The following SNX25 variants were observed in gnomAD, a reference collection of about 807,000 sequenced individuals.
SNX25 encodes sorting nexin 25.
In SNX25, 62 loss-of-function variants were observed where a neutral mutation model predicts 113.7. The observed-to-expected ratio is 0.55, with a 90% confidence interval of 0.44 to 0.67. SNX25 has a LOEUF of 0.67. SNX25 is among the 30% of genes least tolerant of loss of function. The probability of loss-of-function intolerance (pLI) is 0.00; values close to 1 mark genes in which losing one functional copy is unlikely to be tolerated. For synonymous variants in SNX25, 421 were observed against 436.2 expected, an observed-to-expected ratio of 0.97 and a Z score of 0.43; for missense variants, 1,014 against 1,161.0, an observed-to-expected ratio of 0.87 and a Z score of 1.84.
At chr4:185,372,155 C>T (rs935635950), downstream of SNX25, among the ~76,000 whole-genome samples, 2 of 152,164 alleles carry the variant, frequency 1.3e-5, no homozygotes, top group Admixed American at 1.3e-4. Context: ...AGTTATAGAA[C>T]TGCATGACCG....
chr4:185,251,027 C>T (rs1745553047), intron 2 of SNX25, among the ~76,000 whole-genome samples: 1 of 151,560 alleles, frequency 6.6e-6, no homozygotes, highest in African/African-American at 2.4e-5. Flanking sequence ...CGGAGTCTTG[C>T]TCCGTCGCCC....
At chr4:185,378,393 C>T in the SNX25 span, 3 of 1,378,460 alleles carry the variant, frequency 2.2e-6, no homozygotes, top group African/African-American at 2.9e-5. Flanking sequence ...TCCTCCCTAG[C>T]TGAGAGACAG....
chr4:185,343,842 C>T (rs573449863), intron 12 of SNX25, among the ~76,000 whole-genome samples: 3 of 152,258 alleles, frequency 2.0e-5, no homozygotes, highest in Admixed American at 2.0e-4. Context: ...ATAATAATAA[C>T]AAGAGTGAGG....
intron 1 of SNX25, among the ~76,000 whole-genome samples, chr4:185,222,070 AGG>A (rs1739984279): frequency 7.2e-5 from 2 of 27,674 alleles, no homozygotes; most frequent in Admixed American, 4.0e-4. Flanking sequence ...CCTTCATGGT[AGG>A]TATATAGCGC....
intron 11 of SNX25, 119 bp downstream of exon 11, chr4:185,339,629 A>G (rs957134758): frequency 6.2e-6 from 8 of 1,287,068 alleles, no homozygotes; most frequent in Non-Finnish European, 8.4e-6. Context: ...TTTAGACCAT[A>G]TTTGTCCTAC....
chr4:185,226,035 A>T (rs112127862), intron 1 of SNX25, among the ~76,000 whole-genome samples: 1 of 152,164 alleles, frequency 6.6e-6, no homozygotes, highest in Non-Finnish European at 1.5e-5. Context: ...ATGAACTTGA[A>T]TGATGTCACA....
chr4:185,208,598 C>T (rs185201916), upstream of SNX25, among the ~76,000 whole-genome samples: 1 of 151,788 alleles, frequency 6.6e-6, no homozygotes, highest in African/African-American at 2.4e-5. Flanking sequence ...TGTGGTGGTG[C>T]GTGCCTGTAA....
intron 15 of SNX25, among the ~76,000 whole-genome samples, chr4:185,356,692 T>G (rs1387837566): frequency 6.6e-6 from 1 of 152,220 alleles, no homozygotes; most frequent in Admixed American, 6.5e-5. Context: ...TACAGAGACT[T>G]CTGTGAATTT....
At chr4:185,341,531 T>C (rs1326182211) in intron 11 of SNX25, among the ~76,000 whole-genome samples, 1 of 152,220 alleles carries the variant, frequency 6.6e-6, no homozygotes, top group Non-Finnish European at 1.5e-5. Context: ...ACAGGATGCA[T>C]TGGCTCCCTG....
exon 1 of SNX25, chr4:185,204,239 G>GC (rs1218281347): frequency 9.2e-5 from 14 of 152,268 alleles, no homozygotes; most frequent in Admixed American, 9.2e-4. Flanking sequence ...CGTTACTGCT[G>GC]CTCCCGGCTG....
chr4:185,374,232 AGC>A, downstream of SNX25: 1 of 1,614,072 alleles, frequency 6.2e-7, no homozygotes, highest in South Asian at 1.1e-5. Context: ...TGCTGCGATA[AGC>A]CACAGTCTAC....
At chr4:185,356,216 G>C (rs529817037) in intron 15 of SNX25, among the ~76,000 whole-genome samples, 1 of 151,976 alleles carries the variant, frequency 6.6e-6, no homozygotes, top group South Asian at 2.1e-4. Context: ...TAGAGTAAGG[G>C]GCTATCAGTG....
chr4:185,354,242 A>G (rs978582098), intron 15 of SNX25, among the ~76,000 whole-genome samples: 3 of 152,238 alleles, frequency 2.0e-5, no homozygotes, highest in Non-Finnish European at 4.4e-5. Flanking sequence ...AAAGTTATAC[A>G]GAAAACTGTT....
chr4:185,359,197 A>T (rs2095351525), intron 16 of SNX25, among the ~76,000 whole-genome samples: 1 of 151,852 alleles, frequency 6.6e-6, no homozygotes, highest in African/African-American at 2.4e-5. Flanking sequence ...TACAGAAAAT[A>T]AAAAAATTAG....
downstream of SNX25, among the ~76,000 whole-genome samples, chr4:185,368,046 T>C (rs535191259): frequency 1.1e-4 from 17 of 152,114 alleles, no homozygotes; most frequent in East Asian, 7.8e-4. Context: ...GGCGTGGTGG[T>C]GGGCGCCTGT....
downstream of SNX25, among the ~76,000 whole-genome samples, chr4:185,373,705 ATTTTTTGGAAACTGT>A (rs1487938582): frequency 6.6e-6 from 1 of 152,072 alleles, no homozygotes; most frequent in African/African-American, 2.4e-5. Flanking sequence ...TCCTTATAGG[ATTTTTTGGAAACTGT>A]TTCAACCATT....
intron 1 of SNX25, among the ~76,000 whole-genome samples, chr4:185,219,622 C>T (rs1739469265): frequency 1.3e-5 from 2 of 152,100 alleles, no homozygotes; most frequent in Admixed American, 6.5e-5. Flanking sequence ...GGAACTTATG[C>T]CCCTCCTTGC....
intron 6 of SNX25, among the ~76,000 whole-genome samples, chr4:185,296,218 C>CTGTA (rs1249624268): frequency 2.0e-5 from 3 of 152,132 alleles, no homozygotes; most frequent in African/African-American, 7.2e-5. Context: ...CCTGATAATA[C>CTGTA]TGTAGGGAGT....
At chr4:185,229,282 G>A (rs887529926) in intron 1 of SNX25, among the ~76,000 whole-genome samples, 1 of 152,208 alleles carries the variant, frequency 6.6e-6, no homozygotes, top group Admixed American at 6.5e-5. Context: ...AGAGCTTGGA[G>A]AGAAGGGAAG....
Sources: gnomAD v4.1 joint callset for allele counts (sites outside exome capture counted in the v4.1 genomes callset) on GRCh38, gnomAD v4.1.1 for gene constraint, MANE v1.5 for transcripts, NCBI Gene and HGNC (gene_info 2026-07-23, HGNC 2026-07-21) for gene names.